AKR1D1: variants seen among roughly 807,000 people sequenced by gnomAD.
The protein encoded by AKR1D1 is aldo-keto reductase family 1 member D1.
AKR1D1 carries 32 observed loss-of-function variants against 42.6 expected under a neutral mutation model. The ratio of observed to expected loss-of-function variants is 0.75; its 90% CI spans 0.57 to 1.01. The LOEUF is 1.01. Among genes scored for constraint, AKR1D1 ranks in the 50% least tolerant of loss-of-function variants. AKR1D1 has a pLI of 0.00. For missense variants in AKR1D1, 364 were observed against 402.2 expected (o/e 0.91, Z 0.81); for synonymous variants, 123 against 135.5 (o/e 0.91, Z 0.64).
At chr7:138,076,661 T>C (rs773770019) in intron 1 of AKR1D1, 50 bp downstream of exon 1, 2 of 1,471,096 alleles carry the variant, frequency 1.4e-6, no homozygotes, top group African/African-American at 2.8e-5. Context: ...CTTTTAACAT[T>C]TGCCTATAGC....
intron 1 of AKR1D1, among the ~76,000 whole-genome samples, chr7:138,084,438 C>G (rs1360740811): frequency 6.6e-6 from 1 of 151,832 alleles, no homozygotes; most frequent in Non-Finnish European, 1.5e-5. Flanking sequence ...AGGCTGTTCT[C>G]AAACTCCTGG....
intron 2 of AKR1D1, among the ~76,000 whole-genome samples, chr7:138,090,757 C>A (rs2117432596): frequency 6.6e-6 from 1 of 152,122 alleles, no homozygotes; most frequent in South Asian, 2.1e-4. Flanking sequence ...GTATAAGCAA[C>A]CTTGGCACCG....
At chr7:138,087,502 A>G (rs1158269170) in intron 1 of AKR1D1, among the ~76,000 whole-genome samples, 2 of 152,234 alleles carry the variant, frequency 1.3e-5, no homozygotes, top group Non-Finnish European at 2.9e-5. Flanking sequence ...AAAACATAAA[A>G]TGTTCCTCAA....
In AKR1D1 at chr7:138,088,646, AC is replaced by A. The variant is rs1394948572; in HGVS notation, c.140del (p.Thr47LysfsTer26). 3.1e-6 allele frequency: 5 copies of A among 1,614,054 alleles called. No individual in the cohort carries two copies. Among genetic ancestry groups the A allele is most frequent in the Non-Finnish European group, 2.5e-6 (3 of 1,180,028 alleles). On this transcript the variant is annotated frameshift_variant, in exon 2 of 9. Transcript: ENST00000242375. LOFTEE classifies it high-confidence loss of function. ...AACATCGGTGAAGGTTGCTATTGAC[AC>A]AGGGTACCGACATATTGATGGGGCC... is the stretch of plus-strand genomic sequence containing the variant. ...CATSVKVAID[T>X]GYRHIDGAYI...
chr7:138,093,959 T>C (rs1243321610), intron 3 of AKR1D1, among the ~76,000 whole-genome samples: 3 of 152,224 alleles, frequency 2.0e-5, no homozygotes, highest in African/African-American at 7.2e-5. Flanking sequence ...AAAATGTCAT[T>C]ATGCAGCACA....
intron 3 of AKR1D1, among the ~76,000 whole-genome samples, chr7:138,095,361 T>C (rs894663161): frequency 1.3e-5 from 2 of 152,140 alleles, no homozygotes; most frequent in Admixed American, 1.3e-4. Flanking sequence ...TAATGTGGCA[T>C]CAAGGAGAAA....
At chr7:138,104,137 C>CA (rs989494629) in intron 4 of AKR1D1, among the ~76,000 whole-genome samples, 10 of 149,934 alleles carry the variant, frequency 6.7e-5, no homozygotes, top group African/African-American at 9.8e-5. Context: ...GATACTGTTT[C>CA]AAAAAAAAAC....
intron 4 of AKR1D1, among the ~76,000 whole-genome samples, chr7:138,101,406 G>T (rs553719101): frequency 1.3e-5 from 2 of 152,150 alleles, no homozygotes; most frequent in East Asian, 3.9e-4. Context: ...CACCATGTTG[G>T]TCAGGCTGGT....
rs1395672348 is a variant in AKR1D1, at chr7:138,105,504, G to A, written c.579+75G>A. 6.3e-6 allele frequency: 10 copies of A among 1,597,308 alleles called. No individual in the cohort carries two copies. The Admixed American group carries it at 8.3e-5, about 13-fold the overall frequency. On this transcript the variant is annotated intron_variant, in intron 5 of 8. Coordinates refer to ENST00000242375, the MANE Select transcript of AKR1D1 (RefSeq NM_005989.4). ...ACATGACACAAAGAAGCCTCAGCTG[G>A]GAGTCAGGAAGGCTCATGATTGCTC...
chr7:138,102,808 C>T (rs1254971596), intron 4 of AKR1D1, among the ~76,000 whole-genome samples: 1 of 152,124 alleles, frequency 6.6e-6, no homozygotes, highest in Non-Finnish European at 1.5e-5. Context: ...TTGCAAGAAC[C>T]CGTTGTGCAA....
chr7:138,111,463 C>T (rs1269629425), intron 7 of AKR1D1, among the ~76,000 whole-genome samples: 2 of 152,314 alleles, frequency 1.3e-5, no homozygotes, highest in Admixed American at 6.5e-5. Context: ...TCCAGTAATT[C>T]TCAGTCCTTG....
chr7:138,114,363 C>T (rs1374042102), intron 8 of AKR1D1, among the ~76,000 whole-genome samples: 1 of 152,090 alleles, frequency 6.6e-6, no homozygotes, highest in Non-Finnish European at 1.5e-5. Flanking sequence ...ATATTACAGG[C>T]CCTTTAAAAA....
chr7:138,100,289 A>G (rs993712673), intron 4 of AKR1D1, among the ~76,000 whole-genome samples: 3 of 151,918 alleles, frequency 2.0e-5, no homozygotes, highest in African/African-American at 7.3e-5. Flanking sequence ...ATTTAAACTC[A>G]CTAATATCAA....
intron 3 of AKR1D1, among the ~76,000 whole-genome samples, chr7:138,094,672 C>A (rs935976174): frequency 1.3e-5 from 2 of 152,096 alleles, no homozygotes; most frequent in Non-Finnish European, 2.9e-5. Context: ...TGTGCCACCA[C>A]ACTCACCTAA....
chr7:138,082,272 G>C (rs1803074549), intron 1 of AKR1D1, among the ~76,000 whole-genome samples: 1 of 152,028 alleles, frequency 6.6e-6, no homozygotes, highest in African/African-American at 2.4e-5. Context: ...TGCTGTGTTT[G>C]GTTCTTTCCT....
intron 8 of AKR1D1, among the ~76,000 whole-genome samples, chr7:138,116,073 G>A (rs889470855): frequency 6.6e-6 from 1 of 152,146 alleles, no homozygotes; most frequent in Non-Finnish European, 1.5e-5. Flanking sequence ...TGCTACTTGG[G>A]AGGCTGAGGC....
intron 5 of AKR1D1, among the ~76,000 whole-genome samples, chr7:138,106,352 A>G (rs532863411): frequency 5.3e-5 from 8 of 152,336 alleles, no homozygotes; most frequent in African/African-American, 1.9e-4. Flanking sequence ...CATAATACAA[A>G]AAATTAAGGG....
chr7:138,107,110 C>T, intron 6 of AKR1D1: 2 of 564,864 alleles, frequency 3.5e-6, no homozygotes, highest in South Asian at 1.7e-5. Flanking sequence ...AGTTGTGTCT[C>T]TATTTCTTCC....
At chr7:138,099,224 T>C (rs1794243791) in intron 4 of AKR1D1, among the ~76,000 whole-genome samples, 1 of 152,118 alleles carries the variant, frequency 6.6e-6, no homozygotes, top group South Asian at 2.1e-4. Flanking sequence ...GGAATCAGGT[T>C]TGGACAGTTG....
Sources: allele counts gnomAD v4.1 joint callset (sites outside exome capture counted in the v4.1 genomes callset), GRCh38; gene constraint gnomAD v4.1.1; transcripts MANE v1.5; gene names NCBI Gene and HGNC (gene_info 2026-07-23, HGNC 2026-07-21).